Variants in SLC24A3 observed in about 807,000 individuals in gnomAD.
SLC24A3 encodes solute carrier family 24 member 3.
In SLC24A3, 28 loss-of-function variants were observed where a neutral mutation model predicts 75.8. That is an observed-to-expected ratio of 0.37 (90% confidence interval 0.27 to 0.51). The LOEUF (loss-of-function observed/expected upper bound fraction) is 0.51, where lower values mean the gene tolerates loss of function less well. Among genes scored for constraint, SLC24A3 ranks in the 20% least tolerant of loss-of-function variants. SLC24A3 has a pLI of 0.94. For synonymous variants in SLC24A3, 372 were observed against 334.1 expected (o/e 1.11, Z -1.24); for missense variants, 663 against 847.8 (o/e 0.78, Z 2.71).
chr20:19,503,705 A>G (rs1229448981), intron 2 of SLC24A3, among the ~76,000 whole-genome samples: 2 of 152,228 alleles, frequency 1.3e-5, no homozygotes, highest in Admixed American at 1.3e-4. Context: ...GAGCTAATCA[A>G]TATTTTTTGT....
intron 2 of SLC24A3, 148 bp from the exon 3 acceptor site, chr20:19,515,340 A>C (rs1257097804): frequency 2.7e-6 from 2 of 744,618 alleles, no homozygotes; most frequent in Non-Finnish European, 4.5e-6. Context: ...GGAAACACTA[A>C]ATTCTGGTTA....
chr20:19,398,092 C>A (rs1440948928), intron 2 of SLC24A3, among the ~76,000 whole-genome samples: 6 of 151,998 alleles, frequency 3.9e-5, no homozygotes, highest in Admixed American at 3.9e-4. Flanking sequence ...GGAATTAAAG[C>A]CTTCTCTCTT....
At chr20:19,332,314 AC>A (rs1269295237) in intron 2 of SLC24A3, among the ~76,000 whole-genome samples, 2 of 152,144 alleles carry the variant, frequency 1.3e-5, no homozygotes, top group East Asian at 1.9e-4. Flanking sequence ...GGACACAGCC[AC>A]CCCCTCAACA....
chr20:19,720,698 T>A (rs2033095771), intron 16 of SLC24A3, among the ~76,000 whole-genome samples: 2 of 151,700 alleles, frequency 1.3e-5, no homozygotes, highest in African/African-American at 4.8e-5. Context: ...GGGTGTGGAG[T>A]TGGAGCTTCG....
chr20:19,243,355 A>G (rs1028058388), intron 1 of SLC24A3, among the ~76,000 whole-genome samples: 1 of 152,226 alleles, frequency 6.6e-6, no homozygotes, highest in Non-Finnish European at 1.5e-5. Context: ...AGGGAATAAG[A>G]CACATTCAGA....
chr20:19,338,621 G>A (rs1351721362), intron 2 of SLC24A3, among the ~76,000 whole-genome samples: 1 of 152,216 alleles, frequency 6.6e-6, no homozygotes, highest in Non-Finnish European at 1.5e-5. Flanking sequence ...TGAGATGTAT[G>A]AGGCATTTAA....
intron 1 of SLC24A3, among the ~76,000 whole-genome samples, chr20:19,223,072 C>T (rs1482220421): frequency 6.6e-6 from 1 of 152,078 alleles, no homozygotes; most frequent in Admixed American, 6.6e-5. Context: ...GTGGGCGGAT[C>T]ATCTGAGGTC....
intron 7 of SLC24A3, among the ~76,000 whole-genome samples, chr20:19,662,071 C>T (rs747107636): frequency 1.3e-5 from 2 of 152,098 alleles, no homozygotes; most frequent in African/African-American, 2.4e-5. Flanking sequence ...ACGTGGAAAC[C>T]TCAGGGCGAA....
chr20:19,583,191 CAG>C (rs756392706), intron 4 of SLC24A3, among the ~76,000 whole-genome samples: 3 of 151,854 alleles, frequency 2.0e-5, no homozygotes, highest in East Asian at 1.9e-4. Flanking sequence ...TGCAGAAGTG[CAG>C]AGAGAGAGTG....
chr20:19,494,929 G>C (rs1026483894), intron 2 of SLC24A3, among the ~76,000 whole-genome samples: 10 of 152,190 alleles, frequency 6.6e-5, no homozygotes, highest in African/African-American at 2.4e-4. Context: ...TTGTTGGAGA[G>C]ATCTCCAGAG....
rs374359531 is a variant in SLC24A3, at chr20:19,581,019, A to G, written c.423+945A>G. On this transcript the variant is annotated intron_variant, in intron 4 of 16. Coordinates refer to ENST00000328041, the MANE Select transcript of SLC24A3 (RefSeq NM_020689.4). ...CCTAGTCCAGGAACCACAGACTTAG[A>G]GAACCACATACCCTAAGCAGTGTCT... Among the ~76,000 whole-genome samples the G allele has an allele frequency of 3.9e-5, 6 of 152,218 alleles. No individual in the cohort carries two copies. The East Asian group carries it at 7.7e-4, about 20-fold the overall frequency.
At chr20:19,569,236 T>C (rs1346418871) in intron 3 of SLC24A3, among the ~76,000 whole-genome samples, 2 of 152,240 alleles carry the variant, frequency 1.3e-5, no homozygotes, top group Non-Finnish European at 2.9e-5. Flanking sequence ...CCACTACTTG[T>C]ATTTTTATGT....
intron 3 of SLC24A3, among the ~76,000 whole-genome samples, chr20:19,541,947 G>C (rs1600273089): frequency 6.6e-6 from 1 of 152,176 alleles, no homozygotes; most frequent in Admixed American, 6.5e-5. Context: ...AAGGAACAGG[G>C]AGAGGAAAAA....
rs1211952725 is a variant in SLC24A3 at position 19,248,872 on chromosome 20, AG to A, written c.143-32086del. 2.2e-3 allele frequency among the ~76,000 whole-genome samples: 334 copies of A among 151,268 alleles called. 5 individuals are homozygous for A. The highest frequency in any genetic ancestry group is 6.6e-4 in the Non-Finnish European group (45 of 67,860). On this transcript the variant is annotated intron_variant, in intron 1 of 16. Transcript: ENST00000328041. Reference sequence around the variant, plus strand: ...GATGAACCTAGAGGATATTGTGCTAAGTGAAATTAGCCAGGCACAGAAAGAC... The same window carrying A: ...GATGAACCTAGAGGATATTGTGCTAATGAAATTAGCCAGGCACAGAAAGAC...
chr20:19,438,235 G>T (rs1987239818), intron 2 of SLC24A3, among the ~76,000 whole-genome samples: 2 of 152,210 alleles, frequency 1.3e-5, no homozygotes, highest in Non-Finnish European at 2.9e-5. Context: ...AAAGTCATCT[G>T]ACAGAGTTAG....
intron 1 of SLC24A3, among the ~76,000 whole-genome samples, chr20:19,223,936 G>A (rs895938470): frequency 6.6e-6 from 1 of 152,234 alleles, no homozygotes; most frequent in Non-Finnish European, 1.5e-5. Flanking sequence ...GCGGGACAGA[G>A]CATGACAACT....
intron 1 of SLC24A3, among the ~76,000 whole-genome samples, chr20:19,264,466 A>AGTCT (rs1983097307): frequency 6.6e-6 from 1 of 151,970 alleles, no homozygotes; most frequent in Admixed American, 6.6e-5. Flanking sequence ...TCAAAAGTGC[A>AGTCT]GTCTGCCCAG....
At chr20:19,263,247 G>A (rs76870053) in intron 1 of SLC24A3, among the ~76,000 whole-genome samples, 265 of 152,278 alleles carry the variant, frequency 1.7e-3, no homozygotes, top group African/African-American at 6.3e-3. Context: ...GCTTTGGAGA[G>A]AGAATGTGGG....
intron 9 of SLC24A3, 132 bp downstream of exon 9, chr20:19,673,786 T>C: frequency 1.4e-6 from 1 of 711,684 alleles, no homozygotes; most frequent in Non-Finnish European, 2.4e-6. Flanking sequence ...CTTGGCTCCC[T>C]GCCAGACTGT....
Sources: allele counts gnomAD v4.1 joint callset (sites outside exome capture counted in the v4.1 genomes callset), GRCh38; gene constraint gnomAD v4.1.1; transcripts MANE v1.5; gene names NCBI Gene and HGNC (gene_info 2026-07-23, HGNC 2026-07-21).